PDGFD: variants seen among roughly 807,000 people sequenced by gnomAD.
The protein encoded by PDGFD is platelet derived growth factor D.
Under a neutral mutation model 44.7 loss-of-function variants are expected in PDGFD, and 30 were observed. The ratio of observed to expected loss-of-function variants is 0.67; its 90% CI spans 0.50 to 0.91. The LOEUF (loss-of-function observed/expected upper bound fraction) is 0.91. Ranked by LOEUF, PDGFD falls within the 40% of genes least tolerant of loss-of-function variation. PDGFD has a pLI of 0.00. For synonymous variants in PDGFD, 173 were observed against 168.4 expected (o/e 1.03, Z -0.21); for missense variants, 445 against 457.8 (o/e 0.97, Z 0.25).
intron 3 of PDGFD, among the ~76,000 whole-genome samples, chr11:103,985,019 T>C (rs1235536342): frequency 1.5e-5 from 2 of 135,302 alleles, no homozygotes; most frequent in Non-Finnish European, 3.1e-5. Flanking sequence ...ATGTAATATA[T>C]ATTAATTTAT....
intron 3 of PDGFD, among the ~76,000 whole-genome samples, chr11:103,971,395 T>C (rs1445384454): frequency 1.3e-5 from 2 of 152,198 alleles, no homozygotes; most frequent in Admixed American, 6.5e-5. Context: ...ATAAATCTCA[T>C]ATTAGAAGTC....
chr11:104,123,347 A>G (rs1487008486), intron 1 of PDGFD, among the ~76,000 whole-genome samples: 1 of 152,058 alleles, frequency 6.6e-6, no homozygotes, highest in African/African-American at 2.4e-5. Context: ...AAAATAATAC[A>G]TTCTATTTCC....
At chr11:104,124,713 C>T (rs1591177063) in intron 1 of PDGFD, among the ~76,000 whole-genome samples, 2 of 152,078 alleles carry the variant, frequency 1.3e-5, no homozygotes, top group Middle Eastern at 6.8e-3. Flanking sequence ...CTAGTCTAAA[C>T]CCTACTGTTT....
At chr11:103,962,657 A>G (rs1858956072) in intron 3 of PDGFD, among the ~76,000 whole-genome samples, 2 of 152,158 alleles carry the variant, frequency 1.3e-5, no homozygotes, top group African/African-American at 4.8e-5. Flanking sequence ...TTAAAAACTG[A>G]TGTTGGAGAC....
At chr11:104,087,592 C>T (rs989618564) in intron 1 of PDGFD, among the ~76,000 whole-genome samples, 11 of 152,140 alleles carry the variant, frequency 7.2e-5, no homozygotes, top group Non-Finnish European at 1.3e-4. Flanking sequence ...TATCTTCTTA[C>T]GATCACACAA....
chr11:104,062,110 G>T (rs971198018), intron 1 of PDGFD, among the ~76,000 whole-genome samples: 6 of 152,222 alleles, frequency 3.9e-5, no homozygotes, highest in African/African-American at 1.2e-4. Flanking sequence ...GAGGGGAGAA[G>T]AAGGGACAGC....
intron 1 of PDGFD, among the ~76,000 whole-genome samples, chr11:104,079,133 TCAAA>T (rs1229943535): frequency 6.6e-6 from 1 of 152,142 alleles, no homozygotes; most frequent in African/African-American, 2.4e-5. Context: ...TTTGGTGAAT[TCAAA>T]CAAAGTAGAC....
At chr11:103,948,949 A>AAAAG (rs10690865) in intron 3 of PDGFD, among the ~76,000 whole-genome samples, 72,923 of 145,610 alleles carry the variant, frequency 0.5, 19,145 homozygotes, top group African/African-American at 0.64. Flanking sequence ...TTAAAGTAAA[A>AAAAG]AAAGAAAGAA....
intron 6 of PDGFD, among the ~76,000 whole-genome samples, chr11:103,910,221 G>A (rs991521148): frequency 8.5e-5 from 13 of 152,206 alleles, no homozygotes; most frequent in Non-Finnish European, 1.9e-4. Context: ...AGCATGGAGA[G>A]GAAAATGAAT....
chr11:104,096,657 G>C (rs1363034458), intron 1 of PDGFD, among the ~76,000 whole-genome samples: 1 of 152,090 alleles, frequency 6.6e-6, no homozygotes, highest in Non-Finnish European at 1.5e-5. Flanking sequence ...TTATTACATA[G>C]GGGTTTCTGG....
At chr11:103,959,305 C>T (rs1461797401) in intron 3 of PDGFD, among the ~76,000 whole-genome samples, 1 of 152,168 alleles carries the variant, frequency 6.6e-6, no homozygotes, top group Non-Finnish European at 1.5e-5. Flanking sequence ...ATTTAAGAGT[C>T]ATGTTACTAC....
chr11:104,048,452 T>A (rs752019471), intron 1 of PDGFD, among the ~76,000 whole-genome samples: 32 of 152,142 alleles, frequency 2.1e-4, no homozygotes, highest in Non-Finnish European at 4.1e-4. Flanking sequence ...TGTCTCCTAG[T>A]TCACCTCAAA....
At chr11:104,075,760 G>A (rs1860948254) in intron 1 of PDGFD, among the ~76,000 whole-genome samples, 1 of 152,094 alleles carries the variant, frequency 6.6e-6, no homozygotes, top group Non-Finnish European at 1.5e-5. Flanking sequence ...TCTCTCCCAT[G>A]CTCACTGCCA....
intron 1 of PDGFD, among the ~76,000 whole-genome samples, chr11:104,024,802 T>C (rs1860017715): frequency 6.6e-6 from 1 of 152,212 alleles, no homozygotes; most frequent in Non-Finnish European, 1.5e-5. Context: ...CTGTCAAAAA[T>C]GTGCATACAA....
At chr11:103,953,457 A>G (rs567812189) in intron 3 of PDGFD, among the ~76,000 whole-genome samples, 2 of 152,330 alleles carry the variant, frequency 1.3e-5, no homozygotes, top group South Asian at 2.1e-4. Flanking sequence ...ATTGGTTAGC[A>G]CTGACATATT....
In PDGFD at chr11:104,076,463, G is replaced by A. The variant is rs138904413; in HGVS notation, c.125-76208C>T. On this transcript the variant is annotated intron_variant, in intron 1 of 6. Coordinates refer to ENST00000393158, the MANE Select transcript of PDGFD (RefSeq NM_025208.5). ...CACTTGTTGCAGGGGCAGGTCTCAG[G>A]GTTTGCAAGTTTCACATGAGAATTT... Among the ~76,000 whole-genome samples the A allele has an allele frequency of 1.8e-3, 270 of 152,100 alleles. 1 individual carries two copies. Among genetic ancestry groups the A allele is most frequent in the African/African-American group, 6.4e-3 (264 of 41,492 alleles).
intron 3 of PDGFD, among the ~76,000 whole-genome samples, chr11:103,995,503 A>G (rs1397165678): frequency 1.3e-5 from 2 of 152,226 alleles, no homozygotes; most frequent in Admixed American, 6.5e-5. Flanking sequence ...ACAAATAAGC[A>G]TGAGTGTAGC....
chr11:103,932,032 A>C (rs1858407850), intron 5 of PDGFD, among the ~76,000 whole-genome samples: 1 of 152,084 alleles, frequency 6.6e-6, no homozygotes, highest in South Asian at 2.1e-4. Flanking sequence ...AATCTTCTAG[A>C]GCTCAAGTCA....
At chr11:103,996,815 A>T (rs192478674) in intron 2 of PDGFD, among the ~76,000 whole-genome samples, 1 of 152,350 alleles carries the variant, frequency 6.6e-6, no homozygotes, top group East Asian at 1.9e-4. Context: ...TATGAAACTT[A>T]TCATGAAGGA....
Sources: gnomAD v4.1 joint callset for allele counts (sites outside exome capture counted in the v4.1 genomes callset) on GRCh38, gnomAD v4.1.1 for gene constraint, MANE v1.5 for transcripts, NCBI Gene and HGNC (gene_info 2026-07-23, HGNC 2026-07-21) for gene names.